The following NMNAT3 variants were observed in gnomAD, a reference collection of about 807,000 sequenced individuals.
NMNAT3 encodes the protein nicotinamide nucleotide adenylyltransferase 3, also known as nicotinamide/nicotinic acid mononucleotide adenylyltransferase 3.
NMNAT3 carries 21 observed loss-of-function variants against 24.8 expected under a neutral mutation model. The observed-to-expected ratio is 0.85, with a 90% CI of 0.60 to 1.22. NMNAT3 has a LOEUF of 1.22. NMNAT3 is among the 50% of genes most tolerant of loss of function. The pLI is 0.00. For missense variants in NMNAT3, 387 were observed against 436.6 expected (o/e 0.89, Z 1.01); for synonymous variants, 136 against 155.2 (o/e 0.88, Z 0.92).
At position 139,677,829 on chromosome 3, in the gene NMNAT3, G is replaced by C. The variant is rs1303321731; in HGVS notation, c.-265C>G. 1.3e-5 allele frequency: 2 copies of C among 152,434 alleles called. No homozygotes were observed. Among genetic ancestry groups the C allele is most frequent in the Non-Finnish European group, 2.9e-5 (2 of 68,222 alleles). The allele number at this position is 152,434 out of a possible 1,614,324, so 9.4% of individuals were successfully genotyped here. Reference sequence around the variant, plus strand: ...GCGGCCCGGCGCCCGAGGTCCGAGAGGGAAACGACGTTTGGTCTCGGGACT... The same window carrying C: ...GCGGCCCGGCGCCCGAGGTCCGAGACGGAAACGACGTTTGGTCTCGGGACT... On this transcript the variant is annotated 5_prime_UTR_variant, in exon 1 of 7. Transcript: ENST00000643695.
At chr3:139,650,625 A>G (rs1254133950) in intron 1 of NMNAT3, among the ~76,000 whole-genome samples, 1 of 152,166 alleles carries the variant, frequency 6.6e-6, no homozygotes, top group Non-Finnish European at 1.5e-5. Context: ...TGCTTTATAA[A>G]CCAAGCTCTT....
intron 1 of NMNAT3, among the ~76,000 whole-genome samples, chr3:139,645,352 A>G (rs1174057769): frequency 6.6e-6 from 1 of 152,220 alleles, no homozygotes; most frequent in Non-Finnish European, 1.5e-5. Context: ...TTTGTTGTGA[A>G]TAACAAATGT....
At chr3:139,665,387 G>A (rs192897556) in intron 1 of NMNAT3, among the ~76,000 whole-genome samples, 6 of 152,174 alleles carry the variant, frequency 3.9e-5, no homozygotes, top group South Asian at 2.1e-4. Flanking sequence ...AGACGTCTTC[G>A]GCAAAGTGTG....
At position 139,561,356 on chromosome 3, in the gene NMNAT3, A is replaced by G. The variant is rs1032389580; in HGVS notation, c.695T>C (p.Val232Ala). Residue 232 changes from valine to alanine, a missense_variant, in exon 7 of 7, where the codon GTC (valine) becomes GCC (alanine). Val to Ala is a moderately conservative substitution (Grantham distance 64). Around this residue, in one of 3 missense-constraint regions of NMNAT3, gnomAD observed 323 missense variants for 345.2 expected, o/e 0.94. Coordinates refer to ENST00000643695, the MANE Select transcript of NMNAT3 (RefSeq NM_001320510.2). ...GTTGGGGGTCTGGAAGGTCTTCAAGACGTCTGCCCCACAGAGAAGCTTCAG... is the reference window on the plus strand; with the variant it reads ...GTTGGGGGTCTGGAAGGTCTTCAAGGCGTCTGCCCCACAGAGAAGCTTCAG... 2 of 1,613,984 alleles carry G rather than the reference A, an allele frequency of 1.2e-6. No homozygotes were observed. The highest frequency in any genetic ancestry group is 1.7e-6 in the Non-Finnish European group (2 of 1,179,970).
intron 3 of NMNAT3, among the ~76,000 whole-genome samples, chr3:139,596,423 C>CT (rs2054462520): frequency 1.3e-5 from 2 of 152,028 alleles, no homozygotes; most frequent in South Asian, 2.1e-4. Context: ...AATCAAACTG[C>CT]TTTTTTTTCC....
Position 139,561,179 on chromosome 3 carries a change from T to C in NMNAT3, c.872A>G (p.Gln291Arg). ...GATGTATGTGGCACTGATCTCATTCTGCACAGGCTCCTTGGCCAGGTGAAT... is the reference window on the plus strand; with the variant it reads ...GATGTATGTGGCACTGATCTCATTCCGCACAGGCTCCTTGGCCAGGTGAAT... Residue 291 changes from glutamine to arginine, a missense_variant, in exon 7 of 7, where the codon CAG (glutamine) becomes CGG (arginine). Coordinates refer to ENST00000643695, the MANE Select transcript of NMNAT3 (RefSeq NM_001320510.2). 6.2e-7 allele frequency: 1 copy of C among 1,614,214 alleles called. No individual in the cohort carries two copies. Among genetic ancestry groups the C allele is most frequent in the Non-Finnish European group, 8.5e-7 (1 of 1,180,046 alleles).
At chr3:139,565,488 A>T (rs1342726713) in intron 6 of NMNAT3, 1 of 152,072 alleles carries the variant, frequency 6.6e-6, no homozygotes, top group Non-Finnish European at 1.5e-5. Flanking sequence ...CATTAGGTAT[A>T]TCTCCTAATG....
At chr3:139,605,591 T>G (rs956311925) in intron 3 of NMNAT3, among the ~76,000 whole-genome samples, 2 of 152,196 alleles carry the variant, frequency 1.3e-5, no homozygotes, top group Admixed American at 1.3e-4. Context: ...TTTACAGGGT[T>G]TATATTCTCA....
At chr3:139,631,076 G>A (rs1286662081) in intron 2 of NMNAT3, among the ~76,000 whole-genome samples, 1 of 152,164 alleles carries the variant, frequency 6.6e-6, no homozygotes, top group Non-Finnish European at 1.5e-5. Context: ...GCAATGAAGT[G>A]TGATGCTGAG....
Position 139,578,891 on chromosome 3 carries a change from C to T in NMNAT3, c.556G>A (p.Glu186Lys), listed in dbSNP as rs1939731993. The T allele has an allele frequency of 4.3e-6, 7 of 1,614,114 alleles. No homozygotes were observed. In the East Asian group the frequency reaches 1.6e-4, roughly 36 times the overall value. ...CATTACCTCAGCACCTTCACTGTCT[C>T]CATCCACTGTGCCTGCTCACTCTCC... The change falls in exon 5 of 7, where the codon GAG (glutamate) becomes AAG (lysine). Residue 186 changes from glutamate (E) to lysine (K), a missense_variant. This residue lies in a region of NMNAT3 where 323 missense variants were observed against 345.2 expected (regional missense o/e 0.94). Transcript: ENST00000643695.
chr3:139,588,058 T>G lies in NMNAT3; in HGVS notation c.110-4850A>C, dbSNP rs569545158. 3.9e-5 allele frequency among the ~76,000 whole-genome samples: 6 copies of G among 152,216 alleles called. No individual in the cohort carries two copies. The East Asian group carries it at 1.2e-3, about 29-fold the overall frequency. ...AGGAGAGTCAATAAAAATAACAATT[T>G]GATCTAAAACTCCTTCTTGCCCTCC... On this transcript the variant is annotated intron_variant, in intron 3 of 6. Coordinates refer to ENST00000643695, the MANE Select transcript of NMNAT3 (RefSeq NM_001320510.2).
intron 3 of NMNAT3, among the ~76,000 whole-genome samples, chr3:139,620,200 C>CTTTTTTTTTTTTTTTTTTTTTTT (rs34725809): frequency 7.9e-6 from 1 of 126,692 alleles, no homozygotes; most frequent in Non-Finnish European, 1.7e-5. Context: ...CTTGTGGAGT[C>CTTTTTTTTTTTTTTTTTTTTTTT]TTTTTTTTTT....
chr3:139,672,273 A>G (rs996070252), intron 1 of NMNAT3, among the ~76,000 whole-genome samples: 1 of 152,182 alleles, frequency 6.6e-6, no homozygotes, highest in Non-Finnish European at 1.5e-5. Flanking sequence ...TTTTTATAAG[A>G]GAAAGCAAAG....
intron 1 of NMNAT3, among the ~76,000 whole-genome samples, chr3:139,648,140 C>A (rs965577591): frequency 6.6e-6 from 1 of 152,094 alleles, no homozygotes; most frequent in Non-Finnish European, 1.5e-5. Flanking sequence ...GGGGGGTTTT[C>A]CCTACGTTGT....
At chr3:139,585,630 C>T (rs1462677868) in intron 3 of NMNAT3, among the ~76,000 whole-genome samples, 2 of 152,176 alleles carry the variant, frequency 1.3e-5, no homozygotes, top group Non-Finnish European at 2.9e-5. Context: ...TTGCCAGGCA[C>T]CTAAAACTCA....
chr3:139,674,412 C>A (rs1164439493), intron 1 of NMNAT3, among the ~76,000 whole-genome samples: 5 of 152,108 alleles, frequency 3.3e-5, no homozygotes, highest in Admixed American at 2.6e-4. Context: ...CTGAGGCCTG[C>A]CCCGCAAAAT....
chr3:139,646,708 T>C (rs1430114053), intron 1 of NMNAT3, among the ~76,000 whole-genome samples: 1 of 152,230 alleles, frequency 6.6e-6, no homozygotes, highest in African/African-American at 2.4e-5. Context: ...TGCTGAGCGA[T>C]GCAGTTTAAT....
At chr3:139,612,342 C>T (rs1174930594) in intron 3 of NMNAT3, among the ~76,000 whole-genome samples, 1 of 152,092 alleles carries the variant, frequency 6.6e-6, no homozygotes, top group African/African-American at 2.4e-5. Context: ...AGTCATTTTC[C>T]TACTCGGTAG....
At position 139,583,039 on chromosome 3, in the gene NMNAT3, C is replaced by G. The variant is rs73869355; in HGVS notation, c.279G>C (p.Ala93=). ...ACTTGCTGTCATTCAAATCACAGAA[C>G]GCTTGTTCTTCAGTTCTTTTGCGTT... The change falls in exon 4 of 7, where the codon GCG becomes GCC. Residue 93 remains alanine (A), a synonymous_variant. Coordinates refer to ENST00000643695, the MANE Select transcript of NMNAT3 (RefSeq NM_001320510.2). The G allele has an allele frequency of 1.2e-6, 2 of 1,607,498 alleles. No homozygotes were observed. The highest frequency in any genetic ancestry group is 1.7e-5 in the Admixed American group (1 of 59,170).
Sources: allele counts gnomAD v4.1 joint callset (sites outside exome capture counted in the v4.1 genomes callset), GRCh38; gene constraint gnomAD v4.1.1; regional missense constraint gnomAD v4.1.1; transcripts MANE v1.5; gene names NCBI Gene and HGNC (gene_info 2026-07-23, HGNC 2026-07-21).